Variants in NEB observed in about 807,000 individuals in gnomAD.
NEB encodes nebulin.
Under a neutral mutation model 952.2 loss-of-function variants are expected in NEB, and 512 were observed. The observed-to-expected ratio is 0.54, with a 90% confidence interval of 0.50 to 0.58. NEB has a LOEUF of 0.58. Ranked by LOEUF, NEB falls within the 20% of genes least tolerant of loss-of-function variation. The probability of loss-of-function intolerance (pLI) is 0.00; values close to 1 mark genes in which losing one functional copy is unlikely to be tolerated. For synonymous variants in NEB, 2,900 were observed against 3,149.8 expected, an observed-to-expected ratio of 0.92 and a Z score of 2.66; for missense variants, 8,428 against 9,231.1, an observed-to-expected ratio of 0.91 and a Z score of 3.56.
In NEB at chr2:151,541,557, C is replaced by T. The variant is rs376710012; in HGVS notation, c.20578-6G>A. ...CCTGCAGCTCTGTAGACCAGCTAGA[C>T]ATAAACCAAGTTATCACCATCATTT... On this transcript the variant is annotated splice_polypyrimidine_tract_variant and splice_region_variant and intron_variant, in intron 135 of 181. Transcript: ENST00000397345. 2 of 1,608,654 alleles carry T rather than the reference C, an allele frequency of 1.2e-6. No homozygotes were observed. The highest frequency in any genetic ancestry group is 8.5e-7 in the Non-Finnish European group (1 of 1,175,468).
rs2098661076 is a variant in NEB at position 151,631,258 on chromosome 2, G to A, written c.9503C>T (p.Thr3168Ile). The change falls in exon 66 of 182, where the codon ACC becomes ATC. Residue 3168 changes from threonine (T) to isoleucine (I), a missense_variant. This residue lies in a region of NEB where 1,772 missense variants were observed against 1,960.3 expected (regional missense o/e 0.90). Coordinates refer to ENST00000397345, the MANE Select transcript of NEB (RefSeq NM_001164508.2). ...GTAGATGTTATCACTCAGTATTTCGGTAGCTCTCTTGCACTTGACCACATC... is the reference window on the plus strand; with the variant it reads ...GTAGATGTTATCACTCAGTATTTCGATAGCTCTCTTGCACTTGACCACATC... ...SMDVVKCKRATEILSDNIYRQ... is the reference protein window; with the variant it reads ...SMDVVKCKRAIEILSDNIYRQ... 2 of 1,613,862 alleles carry A rather than the reference G, an allele frequency of 1.2e-6. No homozygotes were observed. The highest frequency in any genetic ancestry group is 1.7e-6 in the Non-Finnish European group (2 of 1,179,872).
At chr2:151,644,433 A>G (rs374445549) in intron 56 of NEB, 35 bp downstream of exon 56, 7 of 1,542,832 alleles carry the variant, frequency 4.5e-6, no homozygotes, top group Non-Finnish European at 5.4e-6. Flanking sequence ...GATAAATTGC[A>G]ATCAAATCAA....
At chr2:151,536,079 C>T (rs909867508) in intron 141 of NEB, among the ~76,000 whole-genome samples, 1 of 152,004 alleles carries the variant, frequency 6.6e-6, no homozygotes, top group African/African-American at 2.4e-5. Flanking sequence ...GGCTAATTTA[C>T]GTATATTTTG....
chr2:151,646,332 T>G, intron 54 of NEB, 98 bp from the exon 55 acceptor site: 1 of 877,588 alleles, frequency 1.1e-6, no homozygotes, highest in Non-Finnish European at 1.8e-6. Context: ...GAATTAAACA[T>G]TATACAGAAT....
At chr2:151,499,818 T>TTAAG (rs1284083326) in intron 168 of NEB, among the ~76,000 whole-genome samples, 1 of 152,200 alleles carries the variant, frequency 6.6e-6, no homozygotes, top group Non-Finnish European at 1.5e-5. Context: ...GTCCTTGTCA[T>TTAAG]TAAGTTCAAG....
At chr2:151,512,268 T>G (rs1249409695) in intron 161 of NEB, among the ~76,000 whole-genome samples, 1 of 151,996 alleles carries the variant, frequency 6.6e-6, no homozygotes, top group East Asian at 1.9e-4. Context: ...TCTCCTGACC[T>G]TGTGATCCAC....
intron 50 of NEB, 67 bp downstream of exon 50, chr2:151,655,750 A>G: frequency 6.5e-7 from 1 of 1,534,974 alleles, no homozygotes; most frequent in Admixed American, 1.7e-5. Flanking sequence ...ATTTCTCCAA[A>G]CAAGAACCAG....
In NEB at chr2:151,666,263, C is replaced by G; in HGVS notation, c.4858G>C (p.Ala1620Pro). Residue 1620 changes from alanine to proline, a missense_variant, in exon 41 of 182, where the codon GCC becomes CCC. This residue lies in a region of NEB where 2,851 missense variants were observed against 2,791.5 expected (regional missense o/e 1.02). Transcript: ENST00000397345. ...GGTGTGTGGTACTTGGTCTTGCTGGCTTCATAGCCCTTTTTGTACTCACGA... is the reference window on the plus strand; with the variant it reads ...GGTGTGTGGTACTTGGTCTTGCTGGGTTCATAGCCCTTTTTGTACTCACGA... ...SDREYKKGYE[A>P]SKTKYHTPLD... is the part of the protein sequence containing the mutation. The G allele has an allele frequency of 6.2e-7, 1 of 1,613,948 alleles. No homozygotes were observed. The highest frequency in any genetic ancestry group is 8.5e-7 in the Non-Finnish European group (1 of 1,179,866).
At chr2:151,620,720 G>C (rs562682807) in intron 72 of NEB, among the ~76,000 whole-genome samples, 199 bp downstream of exon 72, 1 of 152,186 alleles carries the variant, frequency 6.6e-6, no homozygotes, top group African/African-American at 2.4e-5. Context: ...AAAATAAGGA[G>C]TCAAATGAGC....
chr2:151,491,432 T>C (rs2056545163), intron 179 of NEB: 6 of 349,620 alleles, frequency 1.7e-5, no homozygotes, highest in South Asian at 1.4e-4. Flanking sequence ...TGTTTTTTCT[T>C]TGGAAGAAAA....
chr2:151,493,782 A>G lies in NEB; in HGVS notation c.24665T>C (p.Phe8222Ser), dbSNP rs768467393. 1 of 1,572,140 alleles carries G rather than the reference A, an allele frequency of 6.4e-7. No individual in the cohort carries two copies. The highest frequency in any genetic ancestry group is 1.3e-5 in the African/African-American group (1 of 74,262). Residue 8222 changes from phenylalanine to serine, a missense_variant, in exon 175 of 182, where the codon TTT (phenylalanine) becomes TCT (serine). By Grantham distance (155) the Phe-to-Ser change is radical. Around this residue, in one of 11 missense-constraint regions of NEB, gnomAD observed 3,374 missense variants for 3,651.5 expected, o/e 0.92. Transcript: ENST00000397345. ...TTTTCCTTTCTAAAATACCGAGCTA[A>G]AGTTTTCTTGATTGCGTTTCACTCT... ...MERVKRNQEN[F>S]SSVLYKENMR...
At chr2:151,624,921 G>A (rs982210902) in intron 71 of NEB, among the ~76,000 whole-genome samples, 1 of 152,110 alleles carries the variant, frequency 6.6e-6, no homozygotes, top group African/African-American at 2.4e-5. Context: ...GTATTTTATT[G>A]TTCTCAGGCA....
intron 28 of NEB, among the ~76,000 whole-genome samples, chr2:151,684,454 C>T (rs141674862): frequency 6.6e-6 from 1 of 152,222 alleles, no homozygotes; most frequent in African/African-American, 2.4e-5. Context: ...TGAGAACTCA[C>T]CAGGGCCTGG....
In NEB at chr2:151,491,768, A is replaced by G. The variant is rs1290219667; in HGVS notation, c.25065T>C (p.Arg8355=). 1 of 1,585,630 alleles carries G rather than the reference A, an allele frequency of 6.3e-7. No homozygotes were observed. Among genetic ancestry groups the G allele is most frequent in the Non-Finnish European group, 8.6e-7 (1 of 1,164,812 alleles). ...CCGAACCAGGATTAGTACGCCAGAC[A>G]CGTAAACCTGAAAGGGAAACCAGTG... is the stretch of plus-strand genomic sequence containing the variant. The part of the protein sequence containing the change: ...DQDQETITGL[R]VWRTNPGSVF... The change falls in exon 179 of 182, where the codon CGT becomes CGC. Residue 8355 remains arginine, a synonymous_variant. Coordinates refer to ENST00000397345, the MANE Select transcript of NEB (RefSeq NM_001164508.2).
chr2:151,659,489 T>C (rs374476761), intron 46 of NEB, among the ~76,000 whole-genome samples: 1 of 151,966 alleles, frequency 6.6e-6, no homozygotes, highest in Non-Finnish European at 1.5e-5. Context: ...TTTGTAGAGA[T>C]GGGTTTTTGC....
At chr2:151,574,511 A>G (rs981487024) in intron 107 of NEB, among the ~76,000 whole-genome samples, 1 of 152,208 alleles carries the variant, frequency 6.6e-6, no homozygotes, top group Non-Finnish European at 1.5e-5. Flanking sequence ...TTAAAAAATA[A>G]GAATGGGTAT....
At chr2:151,673,105 A>G (rs1331098545) in intron 36 of NEB, among the ~76,000 whole-genome samples, 3 of 152,324 alleles carry the variant, frequency 2.0e-5, no homozygotes, top group East Asian at 1.9e-4. Flanking sequence ...TTTTATCAGC[A>G]GCTGCTTTCC....
At chr2:151,617,296 C>T in intron 75 of NEB, 68 bp downstream of exon 75, 2 of 1,090,644 alleles carry the variant, frequency 1.8e-6, no homozygotes, top group Non-Finnish European at 2.7e-6. Context: ...AAAACCTTTT[C>T]CTAAGGAAAC....
In NEB at chr2:151,519,036, T is replaced by C; in HGVS notation, c.22624A>G (p.Lys7542Glu). Residue 7542 changes from lysine to glutamate, a missense_variant, in exon 155 of 182, where the codon AAA (lysine) becomes GAA (glutamate). Around this residue, in one of 11 missense-constraint regions of NEB, gnomAD observed 3,374 missense variants for 3,651.5 expected, o/e 0.92. Coordinates refer to ENST00000397345, the MANE Select transcript of NEB (RefSeq NM_001164508.2). The part of the protein sequence containing the change: ...KYKADLKKLH[K>E]PVTDMKESLI... ...GACTCCTTCATGTCAGTCACGGGTT[T>C]GTGAAGTTTCTTCAGGTCAGCCTTG... 1.2e-6 allele frequency: 2 copies of C among 1,613,700 alleles called. No homozygotes were observed. Among genetic ancestry groups the C allele is most frequent in the African/African-American group, 1.3e-5 (1 of 75,074 alleles).
Sources: gnomAD v4.1 joint callset for allele counts (sites outside exome capture counted in the v4.1 genomes callset) on GRCh38, gnomAD v4.1.1 for gene constraint, gnomAD v4.1.1 regional missense constraint, MANE v1.5 for transcripts, NCBI Gene and HGNC (gene_info 2026-07-23, HGNC 2026-07-21) for gene names.